The following EMSY variants were observed in gnomAD, a reference collection of about 807,000 sequenced individuals.
The protein encoded by EMSY is BRCA2-interacting transcriptional repressor EMSY.
A neutral mutation model predicts 134.6 loss-of-function variants in EMSY; 26 were observed. That is an observed-to-expected ratio of 0.19 (90% CI 0.14 to 0.27). EMSY has a LOEUF of 0.27. Among genes scored for constraint, EMSY ranks in the 10% least tolerant of loss-of-function variants. The pLI, the probability that EMSY is intolerant of heterozygous loss-of-function variation, is 1.00. For missense variants in EMSY, 1,305 were observed against 1,611.4 expected, an observed-to-expected ratio of 0.81 and a Z score of 3.26; for synonymous variants, 579 against 577.8, an observed-to-expected ratio of 1.00 and a Z score of -0.03.
At position 76,472,771 on chromosome 11, in the gene EMSY, C is replaced by G. The variant is rs773510937; in HGVS notation, c.1039C>G (p.Pro347Ala). 5.6e-6 allele frequency: 9 copies of G among 1,614,068 alleles called. No individual in the cohort carries two copies. The East Asian group carries it at 2.0e-4, about 36-fold the overall frequency. Residue 347 changes from proline (P) to alanine (A), a missense_variant, in exon 8 of 21, where the codon CCT (proline) becomes GCT (alanine). Pro to Ala is a conservative substitution (Grantham distance 27). Transcript: ENST00000334736. ...CAGCAGTTCTACACCATCACCTATT[C>G]CTAATACAGTTGCAGTAACAGCTGT...
rs972383378 is a variant in EMSY, at chr11:76,545,720, C to T, written c.3274-77C>T. 3 of 1,468,898 alleles carry T rather than the reference C, an allele frequency of 2.0e-6. No homozygotes were observed. In the African/African-American group the frequency reaches 4.3e-5, roughly 21 times the overall value. The allele number at this position is 1,468,898 out of a possible 1,614,324, so 91.0% of individuals were successfully genotyped here. A position where few individuals can be genotyped will look rare whatever the true frequency, so the allele number is the denominator to read the frequency against. ...TATAGCGCACGAATGTTTCTTTTGC[C>T]ATATTGTCTGGGGTGTTTGATTAGA... On this transcript the variant is annotated intron_variant, in intron 19 of 20. Coordinates refer to ENST00000334736, the Ensembl canonical transcript of EMSY.
chr11:76,544,567 T>C (rs2136761862), exon 19 of EMSY: 2 of 1,613,772 alleles, frequency 1.2e-6, no homozygotes, highest in Non-Finnish European at 8.5e-7. Flanking sequence ...AACTCACCCC[T>C]CTCCAGCAAG....
At chr11:76,539,475 A>C in intron 16 of EMSY, 124 bp from the exon 18 acceptor site, 1 of 903,758 alleles carries the variant, frequency 1.1e-6, no homozygotes, top group Non-Finnish European at 1.7e-6. Context: ...GATATTTAGC[A>C]GAAAGCTAAT....
chr11:76,456,526 A>G (rs1947879500), intron 4 of EMSY, among the ~76,000 whole-genome samples: 1 of 152,232 alleles, frequency 6.6e-6, no homozygotes, highest in South Asian at 2.1e-4. Flanking sequence ...GCAAAATAAA[A>G]GTAAGCCAAG....
chr11:76,480,549 A>T (rs1948931220), intron 8 of EMSY, among the ~76,000 whole-genome samples: 1 of 152,188 alleles, frequency 6.6e-6, no homozygotes, highest in Non-Finnish European at 1.5e-5. Flanking sequence ...GACTTTATTA[A>T]TTCAGCCATG....
chr11:76,530,407 C>T (rs1053225592), intron 14 of EMSY, among the ~76,000 whole-genome samples: 8 of 152,090 alleles, frequency 5.3e-5, no homozygotes, highest in South Asian at 2.1e-4. Flanking sequence ...GTAATCCACC[C>T]GCCTCGGCCT....
chr11:76,477,987 T>G (rs1948830810), intron 8 of EMSY, among the ~76,000 whole-genome samples: 1 of 152,186 alleles, frequency 6.6e-6, no homozygotes, highest in African/African-American at 2.4e-5. Context: ...GACCTTTTAT[T>G]TTCCCTCCTT....
intron 18 of EMSY, among the ~76,000 whole-genome samples, 176 bp from the exon 20 acceptor site, chr11:76,544,083 C>T (rs994134244): frequency 6.6e-6 from 1 of 152,122 alleles, no homozygotes; most frequent in African/African-American, 2.4e-5. Flanking sequence ...GAAGCACTTA[C>T]GTCTGAGAGT....
intron 13 of EMSY, among the ~76,000 whole-genome samples, 192 bp downstream of exon 14, chr11:76,526,827 C>G (rs1485161742): frequency 2.0e-5 from 3 of 151,946 alleles, no homozygotes; most frequent in South Asian, 2.1e-4. Flanking sequence ...CTTAAAGATA[C>G]CTAAATGTGT....
chr11:76,532,024 CT>C (rs1951059402), intron 14 of EMSY, among the ~76,000 whole-genome samples: 1 of 152,136 alleles, frequency 6.6e-6, no homozygotes, highest in African/African-American at 2.4e-5. Context: ...CTTGATCACC[CT>C]GAGAGGATTC....
chr11:76,472,420 A>G (rs1352438437), intron 7 of EMSY, 144 bp from the exon 9 acceptor site: 1 of 758,492 alleles, frequency 1.3e-6, no homozygotes, highest in East Asian at 2.8e-5. Flanking sequence ...GGAAAATTTT[A>G]ATATATTTTT....
At chr11:76,481,753 G>A (rs1434308846) in intron 8 of EMSY, among the ~76,000 whole-genome samples, 2 of 152,232 alleles carry the variant, frequency 1.3e-5, no homozygotes, top group Admixed American at 6.5e-5. Flanking sequence ...CCAGTCAGGG[G>A]CTTATAGGTA....
At chr11:76,516,348 G>A (rs764633655) in intron 11 of EMSY, 36 bp downstream of exon 12, 2 of 1,434,464 alleles carry the variant, frequency 1.4e-6, no homozygotes, top group Non-Finnish European at 1.9e-6. Flanking sequence ...GGTATAGGTG[G>A]CCTTCATTGA....
At chr11:76,528,239 AT>A in intron 13 of EMSY, 28 bp from the exon 15 acceptor site, 2 of 1,577,504 alleles carry the variant, frequency 1.3e-6, no homozygotes, top group Non-Finnish European at 1.7e-6. Context: ...CTAAAATTTT[AT>A]CTCAGTATAT....
rs1328671639 is a variant in EMSY, at chr11:76,547,013, T to G, written c.3774+716T>G. Reference sequence around the variant, plus strand: ...TCCCTTGATTCTAAAAATCATCTCTTGTCATGCATAATAGGTCAAGACTAA... The same window carrying G: ...TCCCTTGATTCTAAAAATCATCTCTGGTCATGCATAATAGGTCAAGACTAA... On this transcript the variant is annotated intron_variant, in intron 20 of 20. Coordinates refer to ENST00000334736, the Ensembl canonical transcript of EMSY. 6.8e-6 allele frequency: 3 copies of G among 443,642 alleles called. No individual in the cohort carries two copies. In the Admixed American group the frequency reaches 7.6e-5, roughly 11 times the overall value. 27.5% of individuals were successfully genotyped at this position (443,642 alleles called of 1,614,324 possible).
intron 7 of EMSY, among the ~76,000 whole-genome samples, chr11:76,468,571 T>C (rs1279836753): frequency 6.6e-6 from 1 of 152,258 alleles, no homozygotes; most frequent in Non-Finnish European, 1.5e-5. Flanking sequence ...GCTGTTGCCA[T>C]TATTGCATTC....
chr11:76,548,833 C>T (rs1212386220), intron 20 of EMSY, among the ~76,000 whole-genome samples: 1 of 152,150 alleles, frequency 6.6e-6, no homozygotes, highest in Non-Finnish European at 1.5e-5. Flanking sequence ...GGCATATTTG[C>T]AAAGTGCTGA....
intron 2 of EMSY, among the ~76,000 whole-genome samples, chr11:76,449,373 T>C (rs1947557620): frequency 6.6e-6 from 1 of 152,136 alleles, no homozygotes; most frequent in Non-Finnish European, 1.5e-5. Context: ...GTCCCAGTTT[T>C]GTGTGTGTGA....
intron 8 of EMSY, 79 bp from the exon 10 acceptor site, chr11:76,496,136 T>C: frequency 7.0e-7 from 1 of 1,434,050 alleles, no homozygotes; most frequent in Non-Finnish European, 9.5e-7. Context: ...CTTTAAACTA[T>C]TATCTACTAT....
Sources: allele counts gnomAD v4.1 joint callset (sites outside exome capture counted in the v4.1 genomes callset), GRCh38; gene constraint gnomAD v4.1.1; transcripts MANE v1.5; gene names NCBI Gene and HGNC (gene_info 2026-07-23, HGNC 2026-07-21).